Variants in GPHN observed in about 807,000 individuals in gnomAD.
GPHN encodes the protein gephyrin.
GPHN carries 17 observed loss-of-function variants against 95.5 expected under a neutral mutation model. The ratio of observed to expected loss-of-function variants is 0.18; its 90% CI spans 0.12 to 0.27. GPHN has a LOEUF of 0.27. Among genes scored for constraint, GPHN ranks in the 10% least tolerant of loss-of-function variants. The pLI is 1.00. For missense variants in GPHN, 660 were observed against 978.1 expected (o/e 0.67, Z 4.34); for synonymous variants, 320 against 322.5 (o/e 0.99, Z 0.08).
At chr14:67,175,393 T>C (rs2082872975) in intron 21 of GPHN, among the ~76,000 whole-genome samples, 1 of 152,178 alleles carries the variant, frequency 6.6e-6, no homozygotes, top group African/African-American at 2.4e-5. Flanking sequence ...GTTGTAGATG[T>C]GTGGTATTAT....
At chr14:67,592,135 T>A in the GPHN span, 2 of 179,244 alleles carry the variant, frequency 1.1e-5, no homozygotes, top group Non-Finnish European at 2.4e-5. Context: ...TTGATTGTGT[T>A]CTTTAAAATG....
rs4058479 is a variant in GPHN at position 66,639,121 on chromosome 14, A to AATATATATATATATATATATATAT, written c.65-41970_65-41969insATATATATATATATATATATATAT. Among the ~76,000 whole-genome samples, 445 of 145,958 alleles carry AATATATATATATATATATATATAT rather than the reference A, an allele frequency of 3.0e-3. 1 individual carries two copies. Among genetic ancestry groups the AATATATATATATATATATATATAT allele is most frequent in the African/African-American group, 8.0e-3 (306 of 38,372 alleles). ...CCTAAGTGGACAAATACTGAAGGTA[A>AATATATATATATATATATATATAT]ATATATATATATATATGCATAGGTG... On this transcript the variant is annotated intron_variant, in intron 1 of 22. Coordinates refer to ENST00000478722, the MANE Select transcript of GPHN (RefSeq NM_020806.5).
At chr14:66,723,331 A>G (rs189525006) in intron 2 of GPHN, among the ~76,000 whole-genome samples, 3 of 151,354 alleles carry the variant, frequency 2.0e-5, no homozygotes, top group South Asian at 4.1e-4. Flanking sequence ...AAAAGGTTAT[A>G]ACCTTTTGGT....
chr14:66,927,207 G>A (rs2066524186), intron 8 of GPHN, among the ~76,000 whole-genome samples: 2 of 152,000 alleles, frequency 1.3e-5, no homozygotes, highest in South Asian at 4.2e-4. Flanking sequence ...AAATTAGCCT[G>A]GTGTGGTGGC....
rs570500169 is a variant in GPHN, at chr14:66,687,917, T to C, written c.143+6732T>C. On this transcript the variant is annotated intron_variant, in intron 2 of 22. Transcript: ENST00000478722. ...TCACCCACTTGGTTAAATTTATTTC[T>C]AGGTACAGTTGATCCTTGAACAGTA... 4.6e-5 allele frequency among the ~76,000 whole-genome samples: 7 copies of C among 152,332 alleles called. No homozygotes were observed. In the East Asian group the frequency reaches 1.4e-3, roughly 29 times the overall value.
At chr14:66,728,354 A>G (rs2071444194) in intron 2 of GPHN, among the ~76,000 whole-genome samples, 1 of 152,174 alleles carries the variant, frequency 6.6e-6, no homozygotes, top group African/African-American at 2.4e-5. Context: ...AGCTGTGAGA[A>G]GAGGATCATT....
the GPHN span, chr14:67,387,367 G>A: frequency 3.1e-6 from 5 of 1,610,324 alleles, no homozygotes; most frequent in Middle Eastern, 1.7e-4. Context: ...CACTCGGCTC[G>A]CTCAGCCTTG....
chr14:67,693,717 C>T, the GPHN span, among the ~76,000 whole-genome samples: 2 of 147,462 alleles, frequency 1.4e-5, no homozygotes, highest in African/African-American at 2.5e-5. Flanking sequence ...GGTGTGATCT[C>T]GGCTCACTGC....
At position 66,945,613 on chromosome 14, in the gene GPHN, C is replaced by CA. The variant is rs552929551; in HGVS notation, c.829-19572dup. Reference sequence around the variant, plus strand: ...GTAATCAAACACCACCTGCTTCCCCCAAAAAACCTATTGAAATTAAAAATA... The same window carrying CA: ...GTAATCAAACACCACCTGCTTCCCCCAAAAAAACCTATTGAAATTAAAAATA... On this transcript the variant is annotated intron_variant, in intron 8 of 22. Coordinates refer to ENST00000478722, the MANE Select transcript of GPHN (RefSeq NM_020806.5). 3.9e-3 allele frequency among the ~76,000 whole-genome samples: 596 copies of CA among 152,020 alleles called. 5 individuals are homozygous for CA. Among genetic ancestry groups the CA allele is most frequent in the African/African-American group, 0.014 (572 of 41,464 alleles).
At chr14:66,569,919 A>G (rs898096254) in intron 1 of GPHN, among the ~76,000 whole-genome samples, 3 of 152,120 alleles carry the variant, frequency 2.0e-5, no homozygotes, top group Non-Finnish European at 2.9e-5. Context: ...GAAATTTTGT[A>G]TCTGATGACC....
At chr14:66,870,771 G>T (rs1164082593) in intron 4 of GPHN, among the ~76,000 whole-genome samples, 2 of 152,088 alleles carry the variant, frequency 1.3e-5, no homozygotes, top group African/African-American at 2.4e-5. Flanking sequence ...AAACAAACTG[G>T]TAACATAGAA....
chr14:67,634,477 C>T, the GPHN span, among the ~76,000 whole-genome samples: 12 of 151,430 alleles, frequency 7.9e-5, no homozygotes, highest in African/African-American at 2.7e-4. Flanking sequence ...TTCTGTAGTC[C>T]CAGCTACTTG....
At chr14:66,877,394 A>T (rs934704489) in intron 4 of GPHN, among the ~76,000 whole-genome samples, 1 of 152,190 alleles carries the variant, frequency 6.6e-6, no homozygotes, top group African/African-American at 2.4e-5. Context: ...CAGAGCAATC[A>T]GGCAAGAGAA....
At chr14:67,448,340 C>T in the GPHN span, among the ~76,000 whole-genome samples, 3 of 151,520 alleles carry the variant, frequency 2.0e-5, no homozygotes, top group African/African-American at 7.3e-5. Context: ...CAGGGTTTCA[C>T]CATGTTAATC....
the GPHN span, chr14:67,392,494 C>T: frequency 7.4e-7 from 1 of 1,354,300 alleles, no homozygotes; most frequent in African/African-American, 1.4e-5. Context: ...TGGCGGCTGT[C>T]AGAGGGGAAA....
rs558108469 is a variant in GPHN at position 66,728,914 on chromosome 14, C to G, written c.144-47550C>G. ...TGATATGGTTTGGCTGTGTCCCCACCCAGATCTCATCTTGAATTTTAACTC... is the reference window on the plus strand; with the variant it reads ...TGATATGGTTTGGCTGTGTCCCCACGCAGATCTCATCTTGAATTTTAACTC... On this transcript the variant is annotated intron_variant, in intron 2 of 22. Coordinates refer to ENST00000478722, the MANE Select transcript of GPHN (RefSeq NM_020806.5). Among the ~76,000 whole-genome samples the G allele has an allele frequency of 1.6e-3, 239 of 152,162 alleles. 2 individuals carry two copies. The highest frequency in any genetic ancestry group is 2.8e-3 in the Non-Finnish European group (188 of 67,990).
chr14:67,508,916 G>T, the GPHN span, among the ~76,000 whole-genome samples: 7 of 152,018 alleles, frequency 4.6e-5, no homozygotes, highest in Non-Finnish European at 8.8e-5. Flanking sequence ...GCTCAGTGTA[G>T]CTGGGACCCC....
At chr14:67,320,517 G>A in the GPHN span, 1 of 904,606 alleles carries the variant, frequency 1.1e-6, no homozygotes, top group Non-Finnish European at 1.5e-6. Context: ...AGTGAAAGAG[G>A]AACTTTAACC....
intron 1 of GPHN, among the ~76,000 whole-genome samples, chr14:66,604,597 A>G (rs2062422740): frequency 6.6e-6 from 1 of 152,182 alleles, no homozygotes; most frequent in African/African-American, 2.4e-5. Context: ...TACTCTTTTC[A>G]TTAGAAAAAT....
Sources: gnomAD v4.1 joint callset for allele counts (sites outside exome capture counted in the v4.1 genomes callset) on GRCh38, gnomAD v4.1.1 for gene constraint, MANE v1.5 for transcripts, NCBI Gene and HGNC (gene_info 2026-07-23, HGNC 2026-07-21) for gene names.